CARS2: variants seen among roughly 807,000 people sequenced by gnomAD.
CARS2 encodes probable cysteine--tRNA ligase, mitochondrial.
In CARS2, 52 loss-of-function variants were observed where a neutral mutation model predicts 68.8. The ratio of observed to expected loss-of-function variants is 0.76; its 90% CI spans 0.61 to 0.95. The LOEUF is 0.95. CARS2 is among the 40% of genes least tolerant of loss of function. The pLI, the probability that CARS2 is intolerant of heterozygous loss-of-function variation, is 0.00. For missense variants in CARS2, 780 were observed against 754.2 expected, an observed-to-expected ratio of 1.03 and a Z score of -0.40; for synonymous variants, 314 against 303.6, an observed-to-expected ratio of 1.03 and a Z score of -0.36.
rs371876889 is a variant in CARS2, at chr13:110,642,346, C to T, written c.1592G>A (p.Arg531Gln). 151 of 1,551,380 alleles carry T rather than the reference C, an allele frequency of 9.7e-5. No individual in the cohort carries two copies. The highest frequency in any genetic ancestry group is 1.5e-4 in the South Asian group (13 of 84,130). Reference sequence around the variant, plus strand: ...GTTGATGCCGTGGGCAGTCAGGCCCCGGCGCAGGGTGTCGCATGCTTCCAG... The same window carrying T: ...GTTGATGCCGTGGGCAGTCAGGCCCTGGCGCAGGGTGTCGCATGCTTCCAG... ...PLLEACDTLRRGLTAHGINIK... is the reference protein window; with the variant it reads ...PLLEACDTLRQGLTAHGINIK... Residue 531 changes from arginine to glutamine, a missense_variant, in exon 14 of 15, where the codon CGG becomes CAG. Physicochemically the swap from Arg to Gln is conservative, Grantham distance 43. Coordinates refer to ENST00000257347, the MANE Select transcript of CARS2 (RefSeq NM_024537.4).
At position 110,712,798 on chromosome 13, in the gene CARS2, C is replaced by T. The variant is rs180848147; in HGVS notation, n.399+339G>A. 47 of 754,946 alleles carry T rather than the reference C, an allele frequency of 6.2e-5. No homozygotes were observed. The Admixed American group carries it at 9.2e-4, about 15-fold the overall frequency. 46.8% of individuals were successfully genotyped at this position (754,946 alleles called of 1,614,324 possible). Reference sequence around the variant, plus strand: ...GATAAGGCCTAGGGAAGGCGCCCCTCGGGCCTATCCACCTCTTCTGGGGCT... The same window carrying T: ...GATAAGGCCTAGGGAAGGCGCCCCTTGGGCCTATCCACCTCTTCTGGGGCT... On this transcript the variant is annotated intron_variant and non_coding_transcript_variant, in intron 1 of 2. Coordinates refer to the CARS2 transcript ENST00000485188.
intron 9 of CARS2, among the ~76,000 whole-genome samples, chr13:110,662,425 G>A (rs1360272976): frequency 2.0e-5 from 3 of 152,184 alleles, no homozygotes; most frequent in East Asian, 1.9e-4. Flanking sequence ...ATGCAACCCC[G>A]TGGCCCCGGG....
intron 3 of CARS2, 54 bp downstream of exon 3, chr13:110,701,384 G>A (rs577078221): frequency 5.8e-4 from 514 of 890,474 alleles, no homozygotes; most frequent in Non-Finnish European, 8.2e-4. Flanking sequence ...TTCAGGAAGG[G>A]CTCAGAACAC....
chr13:110,690,536 T>A (rs1365345132), intron 3 of CARS2, among the ~76,000 whole-genome samples: 1 of 152,218 alleles, frequency 6.6e-6, no homozygotes, highest in Non-Finnish European at 1.5e-5. Context: ...CTGAGCTGCC[T>A]CGCTCCTTTC....
chr13:110,678,785 C>T (rs76753453), intron 6 of CARS2, among the ~76,000 whole-genome samples: 7 of 152,066 alleles, frequency 4.6e-5, no homozygotes, highest in Non-Finnish European at 1.0e-4. Flanking sequence ...TCAGAAACTG[C>T]TGGGGAATGA....
At chr13:110,712,963 C>A (rs115915862) in intron 1 of CARS2, 1 of 1,559,978 alleles carries the variant, frequency 6.4e-7, no homozygotes, top group East Asian at 2.4e-5. Flanking sequence ...GAGTGGTGGT[C>A]CGGCCGCGGA....
In CARS2 at chr13:110,665,833, C is replaced by A. The variant is rs947408529; in HGVS notation, c.919+1507G>T. 1.0e-6 allele frequency: 1 copy of A among 985,286 alleles called. No homozygotes were observed. The highest frequency in any genetic ancestry group is 6.1e-5 in the Admixed American group (1 of 16,266). 61.0% of individuals were successfully genotyped at this position (985,286 alleles called of 1,614,324 possible). A position where few individuals can be genotyped will look rare whatever the true frequency, so the allele number is the denominator to read the frequency against. On this transcript the variant is annotated intron_variant, in intron 8 of 14. Transcript: ENST00000257347. The surrounding 1 kb of genome is among the most constrained non-coding windows in gnomAD (Gnocchi z 4.3). ...TGCTGCGGACCAGAAAACCGGAGCA[C>A]TTCTGCATTTAATGTCACCTTACTG... is the stretch of plus-strand genomic sequence containing the variant.
intron 12 of CARS2, 80 bp downstream of exon 12, chr13:110,645,887 C>T (rs138825549): frequency 1.4e-5 from 22 of 1,525,226 alleles, no homozygotes; most frequent in Admixed American, 6.1e-5. Context: ...GCCACCCAGC[C>T]GACATGAGAA....
Position 110,691,392 on chromosome 13 carries a change from A to G in CARS2, c.394-3374T>C, listed in dbSNP as rs189042610. 3.4e-3 allele frequency among the ~76,000 whole-genome samples: 522 copies of G among 152,288 alleles called. 5 individuals are homozygous for G. Among genetic ancestry groups the G allele is most frequent in the African/African-American group, 0.012 (491 of 41,562 alleles). On this transcript the variant is annotated intron_variant, in intron 3 of 14. Coordinates refer to ENST00000257347, the MANE Select transcript of CARS2 (RefSeq NM_024537.4). ...CATTTTTCCACAGTTTTTCAACTTT[A>G]TGGTTGTTTCATGAAATGTAAAAAC... is the stretch of plus-strand genomic sequence containing the variant.
rs138703155 is a variant in CARS2, at chr13:110,663,072, A to G, written c.987+379T>C. The G allele has an allele frequency of 8.5e-6, 4 of 469,788 alleles. No individual in the cohort carries two copies. In the East Asian group the frequency reaches 2.6e-4, roughly 31 times the overall value. 29.1% of individuals were successfully genotyped at this position (469,788 alleles called of 1,614,324 possible). A position where few individuals can be genotyped will look rare whatever the true frequency, so the allele number is the denominator to read the frequency against. ...GAGCCTATTAAGGGCAAACAGCAAA[A>G]CCTAAACAAATCCCAAAGCCACACC... On this transcript the variant is annotated intron_variant, in intron 9 of 14. Coordinates refer to ENST00000257347, the MANE Select transcript of CARS2 (RefSeq NM_024537.4).
chr13:110,666,138 GC>G, intron 8 of CARS2: 2 of 985,320 alleles, frequency 2.0e-6, no homozygotes, highest in African/African-American at 1.7e-5. Flanking sequence ...TGGAGTGCAG[GC>G]CCCCGGCTGT....
chr13:110,698,756 C>T (rs898444036), intron 3 of CARS2, among the ~76,000 whole-genome samples: 14 of 152,096 alleles, frequency 9.2e-5, no homozygotes, highest in African/African-American at 2.9e-4. Context: ...GTAATCCTAG[C>T]ACTTTGGGAG....
upstream of CARS2, among the ~76,000 whole-genome samples, chr13:110,710,946 T>TA (rs58342301): frequency 7.9e-5 from 12 of 151,850 alleles, no homozygotes; most frequent in African/African-American, 2.7e-4. Context: ...TTTTTTTTTT[T>TA]AAAAAGAAAA....
intron 7 of CARS2, among the ~76,000 whole-genome samples, chr13:110,667,954 G>A (rs931705086): frequency 2.0e-5 from 3 of 152,168 alleles, no homozygotes; most frequent in Admixed American, 6.5e-5. Flanking sequence ...CATAAAAACC[G>A]CGTTTCTGCA....
intron 7 of CARS2, among the ~76,000 whole-genome samples, chr13:110,674,132 T>C (rs532265271): frequency 7.9e-4 from 120 of 152,320 alleles, no homozygotes; most frequent in Non-Finnish European, 1.0e-3. Flanking sequence ...ATGGCCATAC[T>C]GCCCAAGGTA....
chr13:110,697,933 C>T (rs557293540), intron 3 of CARS2: 24 of 454,988 alleles, frequency 5.3e-5, no homozygotes, highest in South Asian at 3.3e-4. Context: ...TGAAAATGTT[C>T]CTCAAGGACC....
At position 110,677,023 on chromosome 13, in the gene CARS2, A is replaced by C; in HGVS notation, c.736T>G (p.Trp246Gly). The change falls in exon 7 of 15, where the codon TGG (tryptophan) becomes GGG (glycine). Residue 246 changes from tryptophan to glycine, a missense_variant. Physicochemically the swap from Trp to Gly is radical, Grantham distance 184. Transcript: ENST00000257347. ...TGCCAGCCCGGCCTCCCGGGTCCCC[A>C]GGGAGAGGCCCAGAACACCTCCTGG... The part of the protein sequence containing the change: ...KPQEVFWASP[W>G]GPGRPGWHIE... 6.2e-7 allele frequency: 1 copy of C among 1,604,878 alleles called. No homozygotes were observed. Among genetic ancestry groups the C allele is most frequent in the Non-Finnish European group, 8.5e-7 (1 of 1,173,032 alleles).
intron 9 of CARS2, among the ~76,000 whole-genome samples, chr13:110,656,594 G>T (rs1165539690): frequency 6.6e-6 from 1 of 152,042 alleles, no homozygotes; most frequent in East Asian, 1.9e-4. Flanking sequence ...TGATAAAAAC[G>T]TTCTTAGAGG....
At chr13:110,642,765 G>A (rs1195138115) in intron 13 of CARS2, 3 of 734,776 alleles carry the variant, frequency 4.1e-6, no homozygotes, top group Non-Finnish European at 7.4e-6. Flanking sequence ...TCCTCACTCG[G>A]GAGTTGGAAG....
Sources: allele counts gnomAD v4.1 joint callset (sites outside exome capture counted in the v4.1 genomes callset), GRCh38; gene constraint gnomAD v4.1.1; non-coding constraint Gnocchi (gnomAD v3.1); transcripts MANE v1.5; gene names NCBI Gene and HGNC (gene_info 2026-07-23, HGNC 2026-07-21).